GRM8: variants seen among roughly 807,000 people sequenced by gnomAD.
GRM8 encodes the protein glutamate metabotropic receptor 8.
Under a neutral mutation model 87.2 loss-of-function variants are expected in GRM8, and 47 were observed. That is an observed-to-expected ratio of 0.54 (90% CI 0.43 to 0.69). The LOEUF is 0.69. GRM8 is among the 30% of genes least tolerant of loss of function. The pLI, the probability that GRM8 is intolerant of heterozygous loss-of-function variation, is 0.00. For synonymous variants in GRM8, 396 were observed against 404.5 expected (o/e 0.98, Z 0.25); for missense variants, 1,019 against 1,139.2 (o/e 0.89, Z 1.52).
At chr7:126,494,830 C>G (rs974084754) in intron 9 of GRM8, among the ~76,000 whole-genome samples, 1 of 151,994 alleles carries the variant, frequency 6.6e-6, no homozygotes, top group Non-Finnish European at 1.5e-5. Flanking sequence ...TCACAAAATA[C>G]AACGCCTAAG....
chr7:126,484,312 G>T (rs1259367696), intron 9 of GRM8, among the ~76,000 whole-genome samples: 5 of 151,858 alleles, frequency 3.3e-5, no homozygotes, highest in Admixed American at 3.3e-4. Flanking sequence ...CAGCCCACGT[G>T]GTACGCAAAT....
At chr7:126,894,503 TTC>T (rs1245341177) in intron 6 of GRM8, among the ~76,000 whole-genome samples, 1 of 152,056 alleles carries the variant, frequency 6.6e-6, no homozygotes. Context: ...GTGAGCATTT[TTC>T]TGTTTTAAAT....
intron 7 of GRM8, among the ~76,000 whole-genome samples, chr7:126,736,424 A>T (rs10241618): frequency 0.32 from 48,752 of 151,912 alleles, 8,506 homozygotes; most frequent in Non-Finnish European, 0.38. Context: ...TCCATTTGTC[A>T]TGCTTGATAT....
In GRM8 at chr7:126,659,478, AG is replaced by A. The variant is rs1440301446; in HGVS notation, c.1358-49981del. 2.0e-5 allele frequency among the ~76,000 whole-genome samples: 3 copies of A among 152,356 alleles called. No homozygotes were observed. The East Asian group carries it at 5.8e-4, about 29-fold the overall frequency. ...CGTCCATTTAGAATATTTGGAAAAC[AG>A]AAGTGAAAGATTTTTTAAAGAGAGA... is the stretch of plus-strand genomic sequence containing the variant. On this transcript the variant is annotated intron_variant, in intron 7 of 10. Transcript: ENST00000339582.
At chr7:127,214,481 G>C (rs755673308) in intron 2 of GRM8, among the ~76,000 whole-genome samples, 4 of 152,196 alleles carry the variant, frequency 2.6e-5, no homozygotes, top group Admixed American at 6.5e-5. Context: ...AACGACCTGA[G>C]AGAGGGTAAT....
intron 6 of GRM8, among the ~76,000 whole-genome samples, chr7:126,855,269 G>A (rs1389304225): frequency 6.6e-6 from 1 of 151,994 alleles, no homozygotes; most frequent in Non-Finnish European, 1.5e-5. Flanking sequence ...GAGGTGAGTG[G>A]ATACCACTTT....
intron 2 of GRM8, among the ~76,000 whole-genome samples, chr7:127,218,745 A>G (rs1796728813): frequency 6.6e-6 from 1 of 152,196 alleles, no homozygotes; most frequent in South Asian, 2.1e-4. Context: ...CCCACAGCCC[A>G]TGGTCTACTG....
At chr7:126,681,148 C>T (rs1020882761) in intron 7 of GRM8, among the ~76,000 whole-genome samples, 2 of 152,136 alleles carry the variant, frequency 1.3e-5, no homozygotes, top group African/African-American at 4.8e-5. Context: ...TATTAGACCC[C>T]ATTTTCTGCA....
At chr7:127,079,034 A>T (rs1822575628) in intron 3 of GRM8, among the ~76,000 whole-genome samples, 1 of 152,240 alleles carries the variant, frequency 6.6e-6, no homozygotes, top group Non-Finnish European at 1.5e-5. Context: ...TGTTACATCA[A>T]GCCATCCAAC....
intron 2 of GRM8, among the ~76,000 whole-genome samples, chr7:127,191,240 C>A (rs906567205): frequency 1.3e-5 from 2 of 152,056 alleles, no homozygotes; most frequent in African/African-American, 2.4e-5. Flanking sequence ...TCAGAAGAAG[C>A]GTCACATTGA....
intron 6 of GRM8, among the ~76,000 whole-genome samples, chr7:126,863,054 T>A (rs1348271935): frequency 6.6e-6 from 1 of 152,116 alleles, no homozygotes; most frequent in African/African-American, 2.4e-5. Flanking sequence ...AACCTTCTTT[T>A]ATTTAGTTCC....
At chr7:126,966,335 A>G (rs1302833019) in intron 3 of GRM8, among the ~76,000 whole-genome samples, 2 of 152,010 alleles carry the variant, frequency 1.3e-5, no homozygotes, top group Admixed American at 6.6e-5. Flanking sequence ...GGGCCTCACT[A>G]TGTTGTCCAG....
chr7:126,553,849 G>A (rs1792854221), intron 8 of GRM8, among the ~76,000 whole-genome samples: 1 of 152,104 alleles, frequency 6.6e-6, no homozygotes, highest in African/African-American at 2.4e-5. Context: ...CAAAATATAA[G>A]CGTACACTTA....
intron 8 of GRM8, among the ~76,000 whole-genome samples, chr7:126,593,223 G>T: frequency 6.6e-6 from 1 of 151,868 alleles, no homozygotes; most frequent in East Asian, 1.9e-4. Context: ...CTATCAAAAT[G>T]CAAGTGCCAT....
intron 6 of GRM8, among the ~76,000 whole-genome samples, chr7:126,847,311 C>T (rs1210176740): frequency 6.6e-6 from 1 of 152,072 alleles, no homozygotes; most frequent in Non-Finnish European, 1.5e-5. Flanking sequence ...TAATGAACCT[C>T]CTAGGATTAG....
intron 6 of GRM8, among the ~76,000 whole-genome samples, chr7:126,863,274 A>G (rs1389207039): frequency 1.3e-5 from 2 of 152,038 alleles, no homozygotes; most frequent in Non-Finnish European, 2.9e-5. Context: ...GCTATTTTTT[A>G]TAGTTGGTGC....
chr7:127,208,202 C>T (rs1372780567), intron 2 of GRM8, among the ~76,000 whole-genome samples: 1 of 152,168 alleles, frequency 6.6e-6, no homozygotes, highest in Admixed American at 6.5e-5. Flanking sequence ...AATTGTAAGA[C>T]ACTTAAATGT....
intron 7 of GRM8, among the ~76,000 whole-genome samples, chr7:126,757,519 G>A (rs987848011): frequency 6.6e-6 from 1 of 152,182 alleles, no homozygotes; most frequent in Non-Finnish European, 1.5e-5. Context: ...GCAGGATTGA[G>A]TATAAATTGT....
At chr7:127,132,164 G>C (rs1002944511) in intron 2 of GRM8, among the ~76,000 whole-genome samples, 11 of 152,236 alleles carry the variant, frequency 7.2e-5, no homozygotes, top group African/African-American at 2.4e-4. Context: ...GTCTTGCTTT[G>C]TTAGAAAAAA....
Sources: allele counts gnomAD v4.1 joint callset (sites outside exome capture counted in the v4.1 genomes callset), GRCh38; gene constraint gnomAD v4.1.1; transcripts MANE v1.5; gene names NCBI Gene and HGNC (gene_info 2026-07-23, HGNC 2026-07-21).